PLEKHG5: variants seen among roughly 807,000 people sequenced by gnomAD.
PLEKHG5 encodes the protein pleckstrin homology domain-containing family G member 5.
Under a neutral mutation model 103.8 loss-of-function variants are expected in PLEKHG5, and 52 were observed. The observed-to-expected ratio is 0.50, with a 90% confidence interval of 0.40 to 0.63. The LOEUF (loss-of-function observed/expected upper bound fraction) is 0.63, where lower values mean the gene tolerates loss of function less well. Ranked by LOEUF, PLEKHG5 falls within the 30% of genes least tolerant of loss-of-function variation. The pLI is 0.00. For synonymous variants in PLEKHG5, 592 were observed against 575.5 expected, an observed-to-expected ratio of 1.03 and a Z score of -0.41; for missense variants, 1,205 against 1,347.6, an observed-to-expected ratio of 0.89 and a Z score of 1.66.
At chr1:6,481,504 C>G (rs749947213) in intron 1 of PLEKHG5, among the ~76,000 whole-genome samples, 25 of 150,490 alleles carry the variant, frequency 1.7e-4, no homozygotes, top group Non-Finnish European at 2.4e-4. Flanking sequence ...GCACTCCAGC[C>G]TGGGGCAAAA....
chr1:6,510,748 G>A (rs1488676213), intron 1 of PLEKHG5, among the ~76,000 whole-genome samples: 1 of 152,094 alleles, frequency 6.6e-6, no homozygotes, highest in Admixed American at 6.5e-5. Context: ...CTGTGGGAGG[G>A]GTGAACAGGG....
chr1:6,474,045 C>T lies in PLEKHG5; in HGVS notation c.559G>A (p.Ala187Thr), dbSNP rs199503669. Reference sequence around the variant, plus strand: ...TCCAGGCTCTCCCGGCGGCTCTGGGCGTCCACACGCTCCAGGGCGGGGGGC... The same window carrying T: ...TCCAGGCTCTCCCGGCGGCTCTGGGTGTCCACACGCTCCAGGGCGGGGGGC... ...TGPPALERVD[A>T]QSRRESLDIL... The change falls in exon 7 of 21, where the codon GCC becomes ACC. Residue 187 changes from alanine (A) to threonine (T), a missense_variant. Physicochemically the swap from Ala to Thr is moderately conservative, Grantham distance 58. Coordinates refer to ENST00000377728, the MANE Select transcript of PLEKHG5 (RefSeq NM_020631.6). 60 of 1,468,008 alleles carry T rather than the reference C, an allele frequency of 4.1e-5. No homozygotes were observed. Among genetic ancestry groups the T allele is most frequent in the Admixed American group, 3.8e-4 (21 of 55,322 alleles). 90.9% of individuals were successfully genotyped at this position (1,468,008 alleles called of 1,614,324 possible). A position where few individuals can be genotyped will look rare whatever the true frequency, so the allele number is the denominator to read the frequency against.
At chr1:6,513,163 C>T (rs976377406) in intron 1 of PLEKHG5, among the ~76,000 whole-genome samples, 2 of 152,232 alleles carry the variant, frequency 1.3e-5, no homozygotes, top group Admixed American at 6.5e-5. Flanking sequence ...TAGACTCTAT[C>T]GGGGATGCAG....
At chr1:6,495,219 C>A (rs1645205290), upstream of PLEKHG5, among the ~76,000 whole-genome samples, 1 of 152,234 alleles carries the variant, frequency 6.6e-6, no homozygotes, top group Non-Finnish European at 1.5e-5. Flanking sequence ...AAGAGGCAAC[C>A]AGCCAACACC....
Position 6,474,159 on chromosome 1 carries a change from C to T in PLEKHG5, c.445G>A (p.Ala149Thr). The T allele has an allele frequency of 1.2e-6, 2 of 1,613,434 alleles. No individual in the cohort carries two copies. The highest frequency in any genetic ancestry group is 1.7e-6 in the Non-Finnish European group (2 of 1,179,964). The change falls in exon 7 of 21, where the codon GCC (alanine) becomes ACC (threonine). Residue 149 changes from alanine (A) to threonine (T), a missense_variant. By Grantham distance (58) the Ala-to-Thr change is moderately conservative. Coordinates refer to ENST00000377728, the MANE Select transcript of PLEKHG5 (RefSeq NM_020631.6). ...ACCTTGCCCTCATCTCCAGGCTTGG[C>T]TGGGGCTGCATGTGGGGGCCACGAG... Reference protein sequence around the residue: ...GGHYLRVKAPAKPGDEGKVEQ... With the variant: ...GGHYLRVKAPTKPGDEGKVEQ...
Position 6,469,355 on chromosome 1 carries a change from C to A in PLEKHG5, c.2029G>T (p.Asp677Tyr). 6.2e-7 allele frequency: 1 copy of A among 1,614,092 alleles called. No individual in the cohort carries two copies. The highest frequency in any genetic ancestry group is 1.1e-5 in the South Asian group (1 of 91,064). Reference sequence around the variant, plus strand: ...CTCACCTGGGCATTGTAAATGGTGTCCACCCAGCCACGGCACAAGGCCTGG... The same window carrying A: ...CTCACCTGGGCATTGTAAATGGTGTACACCCAGCCACGGCACAAGGCCTGG... ...SGQALCRGWV[D>Y]TIYNAQNQLQ... The change falls in exon 18 of 21, where the codon GAC (aspartate) becomes TAC (tyrosine). Residue 677 changes from aspartate (D) to tyrosine (Y), a missense_variant. Transcript: ENST00000377728.
intron 3 of PLEKHG5, 92 bp downstream of exon 3, chr1:6,475,839 A>G (rs1450855480): frequency 2.8e-6 from 3 of 1,087,432 alleles, no homozygotes; most frequent in Non-Finnish European, 4.3e-6. Flanking sequence ...TTACTTGAGG[A>G]AGGCGCCAGA....
intron 15 of PLEKHG5, 73 bp from the exon 16 acceptor site, chr1:6,470,428 A>G: frequency 6.2e-7 from 1 of 1,612,460 alleles, no homozygotes; most frequent in South Asian, 1.1e-5. Context: ...CCTCAGTGAG[A>G]TGCCCAGCAC....
chr1:6,485,693 A>AC (rs1553177695), intron 1 of PLEKHG5: 3 of 225,942 alleles, frequency 1.3e-5, no homozygotes, highest in Admixed American at 1.8e-4. Flanking sequence ...TGCCCGGGCG[A>AC]CCCCCCGCCT....
Position 6,468,379 on chromosome 1 carries a change from G to A in PLEKHG5, c.2457C>T (p.Tyr819=), listed in dbSNP as rs184541137. The change falls in exon 20 of 21, where the codon TAC becomes TAT. Residue 819 remains tyrosine, a synonymous_variant. Transcript: ENST00000377728. ...DGRSCSMDSA[Y]GTLSPTSLQD... ...GTAAGGAGGTTGGGGAGAGGGTGCCGTAGGCAGAGTCCATGGAGCAGGAGC... is the reference window on the plus strand; with the variant it reads ...GTAAGGAGGTTGGGGAGAGGGTGCCATAGGCAGAGTCCATGGAGCAGGAGC... 277 of 1,609,470 alleles carry A rather than the reference G, an allele frequency of 1.7e-4. 1 individual carries two copies. The highest frequency in any genetic ancestry group is 1.3e-3 in the East Asian group (57 of 44,738).
At position 6,482,923 on chromosome 1, in the gene PLEKHG5, G is replaced by A. The variant is rs192673331; in HGVS notation, c.-87-5265C>T. On this transcript the variant is annotated intron_variant, in intron 1 of 20. Coordinates refer to ENST00000377728, the MANE Select transcript of PLEKHG5 (RefSeq NM_020631.6). ...GGGGTTTCACCTTGTTGGTCAGGCTGGTCTTGAACACCTGCCCTCAGGTGA... is the reference window on the plus strand; with the variant it reads ...GGGGTTTCACCTTGTTGGTCAGGCTAGTCTTGAACACCTGCCCTCAGGTGA... Among the ~76,000 whole-genome samples the A allele has an allele frequency of 7.2e-5, 11 of 152,252 alleles. No homozygotes were observed. In the East Asian group the frequency reaches 2.1e-3, roughly 29 times the overall value.
rs1043144265 is a variant in PLEKHG5, at chr1:6,469,244, G to A, written c.2050-3C>T. 6.2e-7 allele frequency: 1 copy of A among 1,613,948 alleles called. No individual in the cohort carries two copies. The highest frequency in any genetic ancestry group is 1.1e-5 in the South Asian group (1 of 91,086). ...GCACGCAGCTGTTGCAGCTGGTTCT[G>A]CAGGCAAGGTTGGGGTACATGGGAC... On this transcript the variant is annotated splice_polypyrimidine_tract_variant and splice_region_variant and intron_variant, in intron 18 of 20. Transcript: ENST00000377728.
rs111681677 is a variant in PLEKHG5, at chr1:6,472,979, C to T, written c.984+7G>A. On this transcript the variant is annotated splice_region_variant and intron_variant, in intron 9 of 20. Transcript: ENST00000377728. The stretch of plus-strand genomic sequence containing the variant: ...AAGGAGGGAGCAGCACTGTGGCCCG[C>T]ACTCACCTCATGCCCATCAATGAGC... 42 of 1,613,394 alleles carry T rather than the reference C, an allele frequency of 2.6e-5. No individual in the cohort carries two copies. The highest frequency in any genetic ancestry group is 2.5e-4 in the African/African-American group (19 of 75,026).
At chr1:6,496,189 G>A (rs192199619), upstream of PLEKHG5, among the ~76,000 whole-genome samples, 163 of 152,334 alleles carry the variant, frequency 1.1e-3, 2 homozygotes, top group Middle Eastern at 6.8e-3. Context: ...TTCCTCATCC[G>A]TGACATAAGG....
chr1:6,517,042 G>A (rs1638645517), intron 1 of PLEKHG5, among the ~76,000 whole-genome samples: 1 of 150,312 alleles, frequency 6.7e-6, no homozygotes, highest in African/African-American at 2.5e-5. Context: ...GAGGTCAGGA[G>A]TTTGAGACCA....
chr1:6,513,190 G>C (rs1386627679), intron 1 of PLEKHG5, among the ~76,000 whole-genome samples: 1 of 152,200 alleles, frequency 6.6e-6, no homozygotes, highest in Non-Finnish European at 1.5e-5. Context: ...GGCCCAGCCT[G>C]GCCCAGGGCA....
chr1:6,516,400 G>A (rs1280011631), intron 1 of PLEKHG5, among the ~76,000 whole-genome samples: 1 of 152,218 alleles, frequency 6.6e-6, no homozygotes, highest in Non-Finnish European at 1.5e-5. Context: ...ACTCATGCCT[G>A]CAATCCCAAC....
exon 1 of PLEKHG5, chr1:6,519,755 G>C: frequency 3.4e-6 from 2 of 593,478 alleles, no homozygotes; most frequent in South Asian, 4.0e-5. Flanking sequence ...CCTGGGCGCT[G>C]TATATTTGAA....
intron 1 of PLEKHG5, among the ~76,000 whole-genome samples, chr1:6,479,615 CT>C (rs201820685): frequency 7.1e-4 from 97 of 136,308 alleles, no homozygotes; most frequent in Admixed American, 1.7e-3. Context: ...ATTACATTGA[CT>C]TTTTTTTTTT....
Sources: gnomAD v4.1 joint callset for allele counts (sites outside exome capture counted in the v4.1 genomes callset) on GRCh38, gnomAD v4.1.1 for gene constraint, MANE v1.5 for transcripts, NCBI Gene and HGNC (gene_info 2026-07-23, HGNC 2026-07-21) for gene names.